Variants in SLC9A2 observed in about 807,000 individuals in gnomAD.
The protein encoded by SLC9A2 is solute carrier family 9 member A2, also known as sodium/hydrogen exchanger 2.
A neutral mutation model predicts 71.7 loss-of-function variants in SLC9A2; 42 were observed. The observed-to-expected ratio is 0.59, with a 90% CI of 0.46 to 0.76. The LOEUF (loss-of-function observed/expected upper bound fraction) is 0.76, where lower values mean the gene tolerates loss of function less well. SLC9A2 is among the 30% of genes least tolerant of loss of function. SLC9A2 has a pLI of 0.00. For missense variants in SLC9A2, 829 were observed against 1,017.4 expected (o/e 0.81, Z 2.52); for synonymous variants, 396 against 392.5 (o/e 1.01, Z -0.10).
chr2:102,671,755 G>A (rs752491507), intron 3 of SLC9A2, among the ~76,000 whole-genome samples: 4 of 152,212 alleles, frequency 2.6e-5, no homozygotes, highest in African/African-American at 4.8e-5. Flanking sequence ...GTGACCACCA[G>A]CCTCATGTGG....
chr2:102,690,222 G>C (rs1677632062), intron 5 of SLC9A2, among the ~76,000 whole-genome samples: 1 of 152,154 alleles, frequency 6.6e-6, no homozygotes, highest in African/African-American at 2.4e-5. Flanking sequence ...ACACAGGAAG[G>C]AGAGAAGAGG....
At position 102,708,780 on chromosome 2, in the gene SLC9A2, A is replaced by G. The variant is rs1012777557; in HGVS notation, c.*291A>G. 1.2e-4 allele frequency: 38 copies of G among 318,594 alleles called. No individual in the cohort carries two copies. In the Admixed American group the frequency reaches 1.6e-3, roughly 13 times the overall value. 19.7% of individuals were successfully genotyped at this position (318,594 alleles called of 1,614,324 possible). A position where few individuals can be genotyped will look rare whatever the true frequency, so the allele number is the denominator to read the frequency against. ...GCCTTTATTGAACTTGAATGACAGA[A>G]CTTGAAATTTTTAACACATCCTTCT... On this transcript the variant is annotated 3_prime_UTR_variant, in exon 12 of 12. Transcript: ENST00000233969.
intron 1 of SLC9A2, among the ~76,000 whole-genome samples, chr2:102,640,999 T>C (rs1558704349): frequency 6.6e-6 from 1 of 152,190 alleles, no homozygotes; most frequent in African/African-American, 2.4e-5. Flanking sequence ...GCTCAGGACA[T>C]TACAAGGGTT....
intron 3 of SLC9A2, among the ~76,000 whole-genome samples, chr2:102,666,421 T>C (rs1677144340): frequency 6.6e-6 from 1 of 152,054 alleles, no homozygotes; most frequent in Non-Finnish European, 1.5e-5. Context: ...ATGGTCTCAA[T>C]CTCCTGACCA....
At chr2:102,651,476 C>T (rs1022328764) in intron 1 of SLC9A2, among the ~76,000 whole-genome samples, 1 of 152,182 alleles carries the variant, frequency 6.6e-6, no homozygotes, top group African/African-American at 2.4e-5. Flanking sequence ...TCTTTTCTTC[C>T]CTGCTCTGGA....
intron 5 of SLC9A2, among the ~76,000 whole-genome samples, chr2:102,693,157 A>T (rs1022348463): frequency 1.3e-5 from 2 of 151,688 alleles, no homozygotes; most frequent in African/African-American, 4.8e-5. Flanking sequence ...TCTGGGATGG[A>T]TTGGGCATTT....
At chr2:102,674,908 C>A (rs1573420980) in intron 3 of SLC9A2, among the ~76,000 whole-genome samples, 1 of 152,086 alleles carries the variant, frequency 6.6e-6, no homozygotes, top group Non-Finnish European at 1.5e-5. Context: ...ACAGAGAAAT[C>A]GAGCTTTATA....
chr2:102,629,390 C>G (rs917345652), intron 1 of SLC9A2, among the ~76,000 whole-genome samples: 4 of 151,840 alleles, frequency 2.6e-5, no homozygotes, highest in African/African-American at 9.7e-5. Context: ...TTTTCCATAT[C>G]TGTTTTCTAT....
intron 1 of SLC9A2, among the ~76,000 whole-genome samples, chr2:102,633,837 T>A (rs1183301939): frequency 6.6e-6 from 1 of 152,214 alleles, no homozygotes; most frequent in Non-Finnish European, 1.5e-5. Flanking sequence ...TAAGCTGTCA[T>A]GTAGATTTTA....
rs1334722611 is a variant in SLC9A2 at position 102,670,621 on chromosome 2, A to C, written c.1004+5271A>C. 2.2e-5 allele frequency among the ~76,000 whole-genome samples: 3 copies of C among 139,218 alleles called. No homozygotes were observed. In the East Asian group the frequency reaches 6.6e-4, roughly 31 times the overall value. The allele number at this position is 139,218 out of a possible 152,430, so 91.3% of individuals were successfully genotyped here. On this transcript the variant is annotated intron_variant, in intron 3 of 11. Coordinates refer to ENST00000233969, the MANE Select transcript of SLC9A2 (RefSeq NM_003048.6). ...CACCAAAAAAAAAAAAAAAAAAAAA[A>C]ACAACCCCAGCACATCCCGATGCAA... is the stretch of plus-strand genomic sequence containing the variant.
chr2:102,626,229 G>C (rs1248321077), intron 1 of SLC9A2, among the ~76,000 whole-genome samples: 1 of 152,276 alleles, frequency 6.6e-6, no homozygotes, highest in Non-Finnish European at 1.5e-5. Flanking sequence ...CAGACATATA[G>C]ACCAATGGAG....
At chr2:102,692,979 T>C (rs1490617972) in intron 5 of SLC9A2, among the ~76,000 whole-genome samples, 1 of 151,822 alleles carries the variant, frequency 6.6e-6, no homozygotes, top group East Asian at 1.9e-4. Flanking sequence ...AGTATCTATA[T>C]AGAATACTAG....
chr2:102,641,044 C>A (rs1676569565), intron 1 of SLC9A2, among the ~76,000 whole-genome samples: 1 of 152,122 alleles, frequency 6.6e-6, no homozygotes, highest in Non-Finnish European at 1.5e-5. Context: ...GGAGCAGAGA[C>A]CAAATATATA....
In SLC9A2 at chr2:102,684,286, T is replaced by A. The variant is rs368185370; in HGVS notation, c.1375T>A (p.Leu459Met). 1.3e-5 allele frequency: 21 copies of A among 1,614,066 alleles called. No homozygotes were observed. Among genetic ancestry groups the A allele is most frequent in the East Asian group, 8.9e-5 (4 of 44,898 alleles). ...TGCTGCTGTGTTTCCTCGGAAAAAA[T>A]TGTTTATTACGGCTGCCATTGTTGT... The part of the protein sequence containing the change: ...LPAAVFPRKK[L>M]FITAAIVVIF... Residue 459 changes from leucine (L) to methionine (M), a missense_variant, in exon 5 of 12, where the codon TTG becomes ATG. By Grantham distance (15) the Leu-to-Met change is conservative. Transcript: ENST00000233969.
Position 102,704,594 on chromosome 2 carries a change from A to G in SLC9A2, c.1896A>G (p.Gln632=). The part of the protein sequence containing the change: ...HSLTADTSER[Q]AKEILIRRRH... ...TGACAGCCGACACAAGTGAGAGACA[A>G]GCCAAGGAGATTCTGATTCGCCGGC... The change falls in exon 10 of 12, where the codon CAA becomes CAG. Residue 632 remains glutamine (Q), a synonymous_variant. Transcript: ENST00000233969. 1 of 1,613,620 alleles carries G rather than the reference A, an allele frequency of 6.2e-7. No homozygotes were observed. Among genetic ancestry groups the G allele is most frequent in the East Asian group, 2.2e-5 (1 of 44,858 alleles).
chr2:102,642,413 A>G (rs1402674058), intron 1 of SLC9A2, among the ~76,000 whole-genome samples: 3 of 147,722 alleles, frequency 2.0e-5, no homozygotes, highest in African/African-American at 5.0e-5. Flanking sequence ...CTTTTTCTGC[A>G]TCAATTGATA....
chr2:102,648,294 C>G (rs746500563), intron 1 of SLC9A2, among the ~76,000 whole-genome samples: 3 of 152,098 alleles, frequency 2.0e-5, no homozygotes, highest in East Asian at 1.9e-4. Flanking sequence ...ATTCAACACC[C>G]CTTCATGCCA....
chr2:102,693,973 C>CTAT (rs56994570), intron 5 of SLC9A2, among the ~76,000 whole-genome samples: 2,513 of 152,030 alleles, frequency 0.017, 67 homozygotes, highest in African/African-American at 0.057. Context: ...ATTATTATTA[C>CTAT]TATTATTATT....
intron 3 of SLC9A2, among the ~76,000 whole-genome samples, chr2:102,668,799 C>T (rs1199376602): frequency 6.6e-6 from 1 of 152,146 alleles, no homozygotes; most frequent in Non-Finnish European, 1.5e-5. Flanking sequence ...TCCATCTCTC[C>T]CTCCTCCACC....
Sources: allele counts gnomAD v4.1 joint callset (sites outside exome capture counted in the v4.1 genomes callset), GRCh38; gene constraint gnomAD v4.1.1; transcripts MANE v1.5; gene names NCBI Gene and HGNC (gene_info 2026-07-23, HGNC 2026-07-21).